The following PLEKHA7 variants were observed in gnomAD, a reference collection of about 807,000 sequenced individuals.
The protein encoded by PLEKHA7 is pleckstrin homology domain containing A7.
In PLEKHA7, 104 loss-of-function variants were observed where a neutral mutation model predicts 170.0. The ratio of observed to expected loss-of-function variants is 0.61; its 90% CI spans 0.52 to 0.72. The LOEUF is 0.72. Ranked by LOEUF, PLEKHA7 falls within the 30% of genes least tolerant of loss-of-function variation. The pLI is 0.00. For synonymous variants in PLEKHA7, 648 were observed against 660.8 expected, an observed-to-expected ratio of 0.98 and a Z score of 0.30; for missense variants, 1,615 against 1,671.7, an observed-to-expected ratio of 0.97 and a Z score of 0.59.
intron 3 of PLEKHA7, among the ~76,000 whole-genome samples, chr11:16,932,261 G>A (rs1859991314): frequency 6.8e-6 from 1 of 147,288 alleles, no homozygotes; most frequent in Admixed American, 6.9e-5. Flanking sequence ...ATAAATGATG[G>A]CTATCATTAT....
chr11:16,928,616 C>A (rs1265807860), intron 3 of PLEKHA7, among the ~76,000 whole-genome samples: 1 of 151,850 alleles, frequency 6.6e-6, no homozygotes, highest in African/African-American at 2.4e-5. Context: ...CCATGCCCAG[C>A]TAATTTTTTT....
intron 3 of PLEKHA7, among the ~76,000 whole-genome samples, chr11:16,943,556 C>A (rs1178042072): frequency 2.6e-5 from 4 of 152,272 alleles, no homozygotes; most frequent in African/African-American, 9.6e-5. Context: ...CAAATCCTGT[C>A]AAATCAACCA....
At chr11:16,976,562 G>C (rs1049745437) in intron 3 of PLEKHA7, among the ~76,000 whole-genome samples, 1 of 152,210 alleles carries the variant, frequency 6.6e-6, no homozygotes, top group Admixed American at 6.5e-5. Flanking sequence ...CCCAACTTCT[G>C]TGAGGCCCTA....
intron 9 of PLEKHA7, among the ~76,000 whole-genome samples, chr11:16,838,518 A>G (rs1251907189): frequency 2.0e-5 from 3 of 150,962 alleles, no homozygotes; most frequent in Non-Finnish European, 4.4e-5. Flanking sequence ...GTGTCTTAAA[A>G]AAAAAAAAAA....
At chr11:16,836,085 A>G (rs1851490012) in intron 9 of PLEKHA7, among the ~76,000 whole-genome samples, 1 of 152,054 alleles carries the variant, frequency 6.6e-6, no homozygotes, top group Non-Finnish European at 1.5e-5. Context: ...TGTAAACTAA[A>G]CCTGTCTAAT....
chr11:16,854,324 G>C (rs1239949497), intron 6 of PLEKHA7, among the ~76,000 whole-genome samples: 2 of 152,206 alleles, frequency 1.3e-5, no homozygotes, highest in Non-Finnish European at 2.9e-5. Flanking sequence ...CGGGGAAGGA[G>C]AATCTGGTGA....
chr11:16,866,429 TA>T (rs1437650401), intron 4 of PLEKHA7, among the ~76,000 whole-genome samples: 2 of 151,836 alleles, frequency 1.3e-5, no homozygotes, highest in Non-Finnish European at 2.9e-5. Context: ...CCGTCTCTAC[TA>T]AAAATACAAA....
chr11:16,877,726 T>C (rs1855411232), intron 3 of PLEKHA7, among the ~76,000 whole-genome samples: 2 of 152,204 alleles, frequency 1.3e-5, no homozygotes, highest in African/African-American at 2.4e-5. Context: ...ATCAGCTTCC[T>C]TCAACATCTG....
chr11:16,991,002 T>C (rs745685134), intron 3 of PLEKHA7, among the ~76,000 whole-genome samples: 12 of 152,218 alleles, frequency 7.9e-5, no homozygotes, highest in Non-Finnish European at 1.6e-4. Flanking sequence ...GCAGATGAGA[T>C]AGAAAATGTC....
In PLEKHA7 at chr11:16,860,376, G is replaced by A. The variant is rs80306972; in HGVS notation, c.306-4462C>T. On this transcript the variant is annotated intron_variant, in intron 4 of 26. Coordinates refer to ENST00000531066, the MANE Select transcript of PLEKHA7 (RefSeq NM_001329630.2). ...AGGTGGGTTTGGTCAATGAGATCTG[G>A]TTAATGGGAGGCTCTCAATCAACGG... is the stretch of plus-strand genomic sequence containing the variant. Among the ~76,000 whole-genome samples, 379 of 152,230 alleles carry A rather than the reference G, an allele frequency of 2.5e-3. 1 individual carries two copies. The highest frequency in any genetic ancestry group is 3.8e-3 in the Non-Finnish European group (261 of 68,022).
chr11:16,870,292 C>T (rs1854723726), intron 4 of PLEKHA7, among the ~76,000 whole-genome samples: 1 of 152,008 alleles, frequency 6.6e-6, no homozygotes, highest in African/African-American at 2.4e-5. Context: ...ACACCCCCTA[C>T]CCCCACCCCC....
At chr11:16,886,847 T>A (rs1027047186) in intron 3 of PLEKHA7, among the ~76,000 whole-genome samples, 1 of 151,966 alleles carries the variant, frequency 6.6e-6, no homozygotes, top group African/African-American at 2.4e-5. Flanking sequence ...GCCAACTAGA[T>A]GCCAATCCCC....
intron 3 of PLEKHA7, among the ~76,000 whole-genome samples, chr11:16,935,108 G>C (rs1860196999): frequency 6.6e-6 from 1 of 152,198 alleles, no homozygotes; most frequent in African/African-American, 2.4e-5. Flanking sequence ...TGGGGAAATT[G>C]GGAAAAAGAA....
At chr11:16,949,262 C>A (rs1035311691) in intron 3 of PLEKHA7, among the ~76,000 whole-genome samples, 2 of 152,226 alleles carry the variant, frequency 1.3e-5, no homozygotes, top group African/African-American at 4.8e-5. Context: ...GCCCCATCTC[C>A]CCTGCAGGTG....
chr11:16,807,465 A>G (rs1239222136), intron 13 of PLEKHA7, among the ~76,000 whole-genome samples: 1 of 152,144 alleles, frequency 6.6e-6, no homozygotes, highest in Non-Finnish European at 1.5e-5. Context: ...AAAATGTTAT[A>G]TGCTGTCTGA....
At chr11:16,919,370 T>C (rs952401137) in intron 3 of PLEKHA7, among the ~76,000 whole-genome samples, 7 of 152,050 alleles carry the variant, frequency 4.6e-5, no homozygotes, top group Non-Finnish European at 1.0e-4. Flanking sequence ...TGAGACTCAG[T>C]TTTCTCCAGT....
chr11:16,802,856 TAAATAAG>T, intron 15 of PLEKHA7, 109 bp downstream of exon 15: 1 of 937,968 alleles, frequency 1.1e-6, no homozygotes, highest in Admixed American at 2.0e-5. Context: ...CATTTTTTTT[TAAATAAG>T]CTAACATCTG....
At chr11:16,977,859 T>C (rs1863168879) in intron 3 of PLEKHA7, among the ~76,000 whole-genome samples, 1 of 152,172 alleles carries the variant, frequency 6.6e-6, no homozygotes, top group Non-Finnish European at 1.5e-5. Flanking sequence ...TTGGTATCCT[T>C]GTCTGTAAGA....
intron 24 of PLEKHA7, among the ~76,000 whole-genome samples, chr11:16,784,808 A>G (rs984312656): frequency 7.2e-5 from 11 of 152,238 alleles, no homozygotes; most frequent in South Asian, 2.1e-4. Flanking sequence ...TGTTACTCCA[A>G]TGAGGACAGA....
Sources: gnomAD v4.1 joint callset for allele counts (sites outside exome capture counted in the v4.1 genomes callset) on GRCh38, gnomAD v4.1.1 for gene constraint, MANE v1.5 for transcripts, NCBI Gene and HGNC (gene_info 2026-07-23, HGNC 2026-07-21) for gene names.